The following TTC28 variants were observed in gnomAD, a reference collection of about 807,000 sequenced individuals.
The protein encoded by TTC28 is tetratricopeptide repeat protein 28.
TTC28 carries 61 observed loss-of-function variants against 198.0 expected under a neutral mutation model. That is an observed-to-expected ratio of 0.31 (90% CI 0.25 to 0.38). TTC28 has a LOEUF of 0.38. TTC28 is among the 10% of genes least tolerant of loss of function. The probability of loss-of-function intolerance (pLI) is 1.00; values close to 1 mark genes in which losing one functional copy is unlikely to be tolerated. For synonymous variants in TTC28, 1,171 were observed against 1,297.8 expected (o/e 0.90, Z 2.10); for missense variants, 2,678 against 3,164.0 (o/e 0.85, Z 3.69).
At chr22:28,258,309 T>C (rs1365900506) in intron 5 of TTC28, among the ~76,000 whole-genome samples, 2 of 152,302 alleles carry the variant, frequency 1.3e-5, no homozygotes, top group East Asian at 3.9e-4. Context: ...TCAGTCTTGT[T>C]ATTTTCCTTC....
chr22:28,045,204 T>C (rs976939669), intron 12 of TTC28, among the ~76,000 whole-genome samples: 8 of 152,196 alleles, frequency 5.3e-5, no homozygotes, highest in African/African-American at 1.9e-4. Flanking sequence ...TCTGAAATGC[T>C]TGGGACCAGA....
chr22:28,336,941 A>G lies in TTC28; in HGVS notation c.382-30298T>C, dbSNP rs182386379. 2.0e-5 allele frequency among the ~76,000 whole-genome samples: 3 copies of G among 152,190 alleles called. No individual in the cohort carries two copies. The East Asian group carries it at 5.8e-4, about 29-fold the overall frequency. ...TTTTAATTGTGATGTTAGGCTGTCA[A>G]TTTTAGATCTTTCCTGCTTTCTCTT... On this transcript the variant is annotated intron_variant, in intron 2 of 22. Coordinates refer to ENST00000397906, the MANE Select transcript of TTC28 (RefSeq NM_001145418.2).
At chr22:27,984,856 C>A (rs773387387) in intron 22 of TTC28, among the ~76,000 whole-genome samples, 3 of 152,244 alleles carry the variant, frequency 2.0e-5, no homozygotes, top group Non-Finnish European at 4.4e-5. Context: ...CCAGCTTGGC[C>A]CTTAAGAACA....
chr22:28,671,613 C>T (rs1479931104), intron 1 of TTC28, among the ~76,000 whole-genome samples: 34 of 136,350 alleles, frequency 2.5e-4, no homozygotes, highest in Middle Eastern at 3.9e-3. Context: ...CCAGCCTGGG[C>T]GACAGAACAA....
rs181543629 is a variant in TTC28, at chr22:28,209,348, C to T, written c.934-45749G>A. On this transcript the variant is annotated intron_variant, in intron 5 of 22. Coordinates refer to ENST00000397906, the MANE Select transcript of TTC28 (RefSeq NM_001145418.2). ...CAAAGCAGGGCGGGGCATCGCCTCA[C>T]CCAGGAAGCGCAAGGGGTCAGGGAA... 9.3e-4 allele frequency among the ~76,000 whole-genome samples: 141 copies of T among 152,290 alleles called. 1 individual carries two copies. Among genetic ancestry groups the T allele is most frequent in the African/African-American group, 3.2e-3 (133 of 41,580 alleles).
chr22:28,615,728 A>T (rs1161260082), intron 2 of TTC28, among the ~76,000 whole-genome samples: 3 of 142,664 alleles, frequency 2.1e-5, no homozygotes, highest in Non-Finnish European at 4.6e-5. Flanking sequence ...TTGCACTCAT[A>T]AGTGGGTGTT....
chr22:28,600,558 G>C (rs1364904749), intron 2 of TTC28, among the ~76,000 whole-genome samples: 2 of 152,164 alleles, frequency 1.3e-5, no homozygotes, highest in Non-Finnish European at 2.9e-5. Flanking sequence ...GTTCTACAAA[G>C]ATGCTGTAAG....
At position 28,266,393 on chromosome 22, in the gene TTC28, A is replaced by G. The variant is rs931420273; in HGVS notation, c.933+29805T>C. On this transcript the variant is annotated intron_variant, in intron 5 of 22. Coordinates refer to ENST00000397906, the MANE Select transcript of TTC28 (RefSeq NM_001145418.2). The stretch of plus-strand genomic sequence containing the variant: ...ATTTTCAGTCATGCTCATTTATCAG[A>G]TAATTAAGCCACCACACTGAGGTAT... Among the ~76,000 whole-genome samples, 13 of 152,238 alleles carry G rather than the reference A, an allele frequency of 8.5e-5. 1 individual carries two copies. In the South Asian group the frequency reaches 1.7e-3, roughly 19 times the overall value.
At chr22:28,457,928 T>A (rs1371113409) in intron 2 of TTC28, among the ~76,000 whole-genome samples, 1 of 152,164 alleles carries the variant, frequency 6.6e-6, no homozygotes, top group East Asian at 1.9e-4. Flanking sequence ...TAACTCTAAA[T>A]GAAGTTTTGC....
At chr22:28,648,400 C>A (rs1319491998) in intron 1 of TTC28, among the ~76,000 whole-genome samples, 1 of 152,142 alleles carries the variant, frequency 6.6e-6, no homozygotes, top group East Asian at 1.9e-4. Context: ...GGTGGGAATG[C>A]AAATTAGTAC....
chr22:28,637,048 G>A (rs892021909), intron 1 of TTC28, among the ~76,000 whole-genome samples: 3 of 129,692 alleles, frequency 2.3e-5, no homozygotes, highest in Non-Finnish European at 3.1e-5. Context: ...TTGCTCTGTC[G>A]CCCAGGCTGG....
intron 5 of TTC28, among the ~76,000 whole-genome samples, chr22:28,260,410 A>G (rs1186750996): frequency 6.6e-6 from 1 of 152,180 alleles, no homozygotes; most frequent in Non-Finnish European, 1.5e-5. Flanking sequence ...TTATAAATGC[A>G]TGATACTAGA....
intron 6 of TTC28, among the ~76,000 whole-genome samples, chr22:28,141,062 G>A (rs941010133): frequency 6.6e-6 from 1 of 151,494 alleles, no homozygotes; most frequent in Non-Finnish European, 1.5e-5. Context: ...AACACATTCA[G>A]AGAGACCCAA....
intron 6 of TTC28, among the ~76,000 whole-genome samples, chr22:28,126,785 C>G (rs932297096): frequency 6.6e-6 from 1 of 152,182 alleles, no homozygotes; most frequent in Non-Finnish European, 1.5e-5. Context: ...AGTTAATACA[C>G]GACTTCTCAG....
chr22:28,629,263 A>C (rs34780660), intron 2 of TTC28, among the ~76,000 whole-genome samples: 2 of 152,258 alleles, frequency 1.3e-5, no homozygotes, highest in South Asian at 4.1e-4. Flanking sequence ...TCCAAAACCT[A>C]TATAAAGAAC....
chr22:28,448,426 T>TATA (rs1307958026), intron 2 of TTC28, among the ~76,000 whole-genome samples: 1 of 152,198 alleles, frequency 6.6e-6, no homozygotes, highest in Non-Finnish European at 1.5e-5. Context: ...CATACTTATT[T>TATA]ATATTTATTG....
chr22:28,520,320 T>C (rs190048194), intron 2 of TTC28, among the ~76,000 whole-genome samples: 26 of 152,370 alleles, frequency 1.7e-4, no homozygotes, highest in Admixed American at 1.2e-3. Flanking sequence ...TAATGTCTCA[T>C]GTACACATCT....
intron 5 of TTC28, among the ~76,000 whole-genome samples, chr22:28,255,360 A>G (rs1311954623): frequency 6.6e-6 from 1 of 152,142 alleles, no homozygotes; most frequent in Non-Finnish European, 1.5e-5. Context: ...GGAGGAGCTA[A>G]ATGAACAACA....
At chr22:28,167,105 G>A (rs542057860) in intron 5 of TTC28, among the ~76,000 whole-genome samples, 6 of 152,014 alleles carry the variant, frequency 3.9e-5, no homozygotes, top group African/African-American at 9.6e-5. Flanking sequence ...ACATACACCC[G>A]CCCAAGACTA....
Sources: allele counts gnomAD v4.1 joint callset (sites outside exome capture counted in the v4.1 genomes callset), GRCh38; gene constraint gnomAD v4.1.1; transcripts MANE v1.5; gene names NCBI Gene and HGNC (gene_info 2026-07-23, HGNC 2026-07-21).